PPP2CB: variants seen among roughly 807,000 people sequenced by gnomAD.
PPP2CB encodes the protein serine/threonine-protein phosphatase 2A catalytic subunit beta isoform.
PPP2CB carries 18 observed loss-of-function variants against 39.1 expected under a neutral mutation model. That is an observed-to-expected ratio of 0.46 (90% CI 0.32 to 0.68). The LOEUF is 0.68. Ranked by LOEUF, PPP2CB falls within the 30% of genes least tolerant of loss-of-function variation. PPP2CB has a pLI of 0.04. For missense variants in PPP2CB, 226 were observed against 396.9 expected (o/e 0.57, Z 3.66); for synonymous variants, 129 against 133.8 (o/e 0.96, Z 0.25).
intron 1 of PPP2CB, among the ~76,000 whole-genome samples, 178 bp downstream of exon 1, chr8:30,812,142 C>T (rs1014726982): frequency 6.0e-4 from 91 of 152,130 alleles, no homozygotes; most frequent in Non-Finnish European, 6.3e-4. Flanking sequence ...GGCAGCCCAA[C>T]GCCCCGGGCC....
intron 2 of PPP2CB, 37 bp downstream of exon 2, chr8:30,799,508 TA>T: frequency 1.9e-6 from 3 of 1,562,790 alleles, no homozygotes; most frequent in Non-Finnish European, 2.6e-6. Context: ...TTGCCTGGTT[TA>T]AATCTTGAAA....
chr8:30,799,899 G>C, intron 1 of PPP2CB, 144 bp from the exon 2 acceptor site: 2 of 648,316 alleles, frequency 3.1e-6, no homozygotes, highest in Non-Finnish European at 5.3e-6. Flanking sequence ...ACTTTCATTA[G>C]AAAGGCTATA....
At position 30,800,864 on chromosome 8, in the gene PPP2CB, T is replaced by C. The variant is rs1440791167; in HGVS notation, c.103-1109A>G. 2.6e-5 allele frequency among the ~76,000 whole-genome samples: 4 copies of C among 152,222 alleles called. No homozygotes were observed. The East Asian group carries it at 5.8e-4, about 22-fold the overall frequency. ...GCTAAGAGATGAGAACTGGGACTAA[T>C]ACAGAATGCAAACCGAGAGGAAGAA... is the stretch of plus-strand genomic sequence containing the variant. On this transcript the variant is annotated intron_variant, in intron 1 of 6. Transcript: ENST00000221138.
intron 5 of PPP2CB, among the ~76,000 whole-genome samples, chr8:30,791,985 T>C (rs1044787699): frequency 9.2e-5 from 14 of 151,380 alleles, no homozygotes; most frequent in African/African-American, 2.4e-5. Context: ...TGTGTATATA[T>C]ACGTGTGCAT....
chr8:30,790,707 T>C (rs1311689029), intron 6 of PPP2CB, among the ~76,000 whole-genome samples: 1 of 152,214 alleles, frequency 6.6e-6, no homozygotes, highest in Admixed American at 6.5e-5. Context: ...TCAGCCTGCT[T>C]GACTGTGTCT....
chr8:30,795,176 C>T (rs186250737), intron 3 of PPP2CB, among the ~76,000 whole-genome samples: 248 of 143,380 alleles, frequency 1.7e-3, no homozygotes, highest in Middle Eastern at 0.012. Context: ...AGTGCAATGG[C>T]GTGATCTCGG....
At chr8:30,791,929 T>C (rs1044512884) in intron 5 of PPP2CB, among the ~76,000 whole-genome samples, 2 of 151,620 alleles carry the variant, frequency 1.3e-5, no homozygotes, top group Non-Finnish European at 2.9e-5. Flanking sequence ...CACGTATATA[T>C]GTATGTATAC....
rs567081873 is a variant in PPP2CB at position 30,798,295 on chromosome 8, A to G, written c.313-541T>C. Among the ~76,000 whole-genome samples the G allele has an allele frequency of 2.6e-3, 401 of 152,374 alleles. 2 individuals carry two copies. Among genetic ancestry groups the G allele is most frequent in the African/African-American group, 9.1e-3 (379 of 41,592 alleles). On this transcript the variant is annotated intron_variant, in intron 2 of 6. Coordinates refer to ENST00000221138, the MANE Select transcript of PPP2CB (RefSeq NM_001009552.2). ...AATAGTTTCCTTTCTATTAAAAAAC[A>G]TAAGCGACTATTTAGTTAGGAATGC...
At chr8:30,798,513 T>C (rs1327061517) in intron 2 of PPP2CB, among the ~76,000 whole-genome samples, 1 of 152,236 alleles carries the variant, frequency 6.6e-6, no homozygotes, top group Non-Finnish European at 1.5e-5. Flanking sequence ...ACAGATTACA[T>C]GTACGATGTT....
intron 5 of PPP2CB, 57 bp downstream of exon 5, chr8:30,793,860 A>G (rs1563214785): frequency 3.4e-6 from 5 of 1,491,388 alleles, no homozygotes; most frequent in Non-Finnish European, 3.6e-6. Flanking sequence ...ATAATGCCTT[A>G]TTACAGAAGT....
chr8:30,791,567 C>A, intron 5 of PPP2CB: 1 of 300,024 alleles, frequency 3.3e-6, no homozygotes, highest in South Asian at 7.8e-5. Context: ...GAAATCTTGG[C>A]AAGGATGTGT....
intron 1 of PPP2CB, among the ~76,000 whole-genome samples, chr8:30,802,008 CA>C (rs1264194566): frequency 6.6e-6 from 1 of 152,188 alleles, no homozygotes; most frequent in African/African-American, 2.4e-5. Flanking sequence ...GCAAAATGCT[CA>C]TGCTTGGTTC....
intron 1 of PPP2CB, among the ~76,000 whole-genome samples, chr8:30,811,617 TCCCGAATAGCTGGGATTACAGGCA>T: frequency 6.7e-6 from 1 of 148,872 alleles, no homozygotes; most frequent in Admixed American, 6.9e-5. Flanking sequence ...CGCCTCAGCC[TCCCGAATAGCTGGGATTACAGGCA>T]CCCGCCGTCA....
chr8:30,792,484 C>T (rs541115345), intron 5 of PPP2CB, among the ~76,000 whole-genome samples: 2 of 152,230 alleles, frequency 1.3e-5, no homozygotes, highest in East Asian at 3.9e-4. Context: ...CACCCTTTTG[C>T]CCAGGCTGGA....
chr8:30,791,405 G>C (rs1406168372), intron 5 of PPP2CB, 90 bp from the exon 6 acceptor site: 1 of 890,098 alleles, frequency 1.1e-6, no homozygotes, highest in East Asian at 2.6e-5. Flanking sequence ...AAAAACTACA[G>C]GTACTCTCTG....
rs1377480322 is a variant in PPP2CB, at chr8:30,812,523, C to T, written c.-102G>A. 6 of 785,552 alleles carry T rather than the reference C, an allele frequency of 7.6e-6. No homozygotes were observed. The highest frequency in any genetic ancestry group is 1.9e-5 in the African/African-American group (1 of 53,960). 48.7% of individuals were successfully genotyped at this position (785,552 alleles called of 1,614,324 possible). A position where few individuals can be genotyped will look rare whatever the true frequency, so the allele number is the denominator to read the frequency against. ...CGGCCCGGGCGCCGCTCCCCTCTCC[C>T]TCCGCCGCCGTCGCCAGGTCCCACA... On this transcript the variant is annotated 5_prime_UTR_variant, in exon 1 of 7. Transcript: ENST00000221138.
intron 1 of PPP2CB, 33 bp downstream of exon 1, chr8:30,812,287 G>A (rs903010474): frequency 2.1e-6 from 3 of 1,457,266 alleles, no homozygotes; most frequent in Non-Finnish European, 2.7e-6. Context: ...TCCCAGCCCC[G>A]CGCTCCCGCA....
chr8:30,794,027 C>G lies in PPP2CB; in HGVS notation c.628G>C (p.Gly210Arg). Reference protein sequence around the residue: ...WSDPDDRGGWGISPRGAGYTF... With the variant: ...WSDPDDRGGWRISPRGAGYTF... The stretch of plus-strand genomic sequence containing the variant: ...TAGCCAGCACCACGTGGTGAAATAC[C>G]CCATCCACCACGATCATCTGGATCT... Residue 210 changes from glycine (G) to arginine (R), a missense_variant, in exon 5 of 7, where the codon GGT becomes CGT. Gly to Arg is a moderately radical substitution (Grantham distance 125). Coordinates refer to ENST00000221138, the MANE Select transcript of PPP2CB (RefSeq NM_001009552.2). 2 of 1,612,716 alleles carry G rather than the reference C, an allele frequency of 1.2e-6. No homozygotes were observed. The highest frequency in any genetic ancestry group is 1.7e-6 in the Non-Finnish European group (2 of 1,179,360).
At position 30,799,620 on chromosome 8, in the gene PPP2CB, A is replaced by C; in HGVS notation, c.238T>G (p.Tyr80Asp). 1 of 1,614,082 alleles carries C rather than the reference A, an allele frequency of 6.2e-7. No individual in the cohort carries two copies. The highest frequency in any genetic ancestry group is 2.2e-5 in the East Asian group (1 of 44,864). ...TCTACATAGTCACCCATGAATAAGT[A>C]GTTTGTATCCGGTGATTTTCCACCA... Reference protein sequence around the residue: ...RIGGKSPDTNYLFMGDYVDRG... With the variant: ...RIGGKSPDTNDLFMGDYVDRG... The change falls in exon 2 of 7, where the codon TAC becomes GAC. Residue 80 changes from tyrosine to aspartate, a missense_variant. By Grantham distance (160) the Tyr-to-Asp change is radical (BLOSUM62 -3). This residue lies in a region of PPP2CB where 110 missense variants were observed against 244.1 expected (regional missense o/e 0.45). Transcript: ENST00000221138.
Sources: allele counts gnomAD v4.1 joint callset (sites outside exome capture counted in the v4.1 genomes callset), GRCh38; gene constraint gnomAD v4.1.1; regional missense constraint gnomAD v4.1.1; transcripts MANE v1.5; gene names NCBI Gene and HGNC (gene_info 2026-07-23, HGNC 2026-07-21).